ZNF350: variants seen among roughly 807,000 people sequenced by gnomAD.
The protein encoded by ZNF350 is KRAB zinc finger protein ZFQR.
A neutral mutation model predicts 13.1 loss-of-function variants in ZNF350; 5 were observed. The ratio of observed to expected loss-of-function variants is 0.38; its 90% CI spans 0.20 to 0.80. ZNF350 has a LOEUF of 0.80. Ranked by LOEUF, ZNF350 falls within the 30% of genes least tolerant of loss-of-function variation. The pLI, the probability that ZNF350 is intolerant of heterozygous loss-of-function variation, is 0.43. For synonymous variants in ZNF350, 199 were observed against 224.2 expected (o/e 0.89, Z 1.00); for missense variants, 534 against 644.2 (o/e 0.83, Z 1.85).
intron 1 of ZNF350, chr19:51,984,003 C>T (rs1240637301): frequency 6.6e-6 from 1 of 152,050 alleles, no homozygotes; most frequent in Non-Finnish European, 1.5e-5. Flanking sequence ...ATGGTGAAAC[C>T]CCATCTCTAC....
chr19:51,979,372 G>A (rs59534321), intron 1 of ZNF350, among the ~76,000 whole-genome samples: 5,934 of 152,082 alleles, frequency 0.039, 310 homozygotes, highest in African/African-American at 0.12. Flanking sequence ...GATTTATCAC[G>A]ATCAGGGAGA....
chr19:51,970,272 A>G (rs547322566), intron 2 of ZNF350, among the ~76,000 whole-genome samples: 4 of 152,022 alleles, frequency 2.6e-5, no homozygotes, highest in Non-Finnish European at 5.9e-5. Flanking sequence ...TATGTTGGCC[A>G]GGCTGTTCTC....
intron 1 of ZNF350, among the ~76,000 whole-genome samples, chr19:51,984,790 T>G (rs2086130037): frequency 6.6e-6 from 1 of 152,178 alleles, no homozygotes; most frequent in Admixed American, 6.6e-5. Context: ...AGAGACCATA[T>G]GTAGCCTGCA....
At chr19:51,985,498 G>A (rs73934709) in intron 1 of ZNF350, among the ~76,000 whole-genome samples, 8,057 of 152,174 alleles carry the variant, frequency 0.053, 638 homozygotes, top group African/African-American at 0.17. Flanking sequence ...CACATACATA[G>A]TTGGCTAGAA....
intron 2 of ZNF350, among the ~76,000 whole-genome samples, chr19:51,971,181 C>A (rs2085726388): frequency 6.6e-6 from 1 of 152,188 alleles, no homozygotes; most frequent in Admixed American, 6.5e-5. Flanking sequence ...ACTCTATACT[C>A]ATTTTATTAC....
At chr19:51,985,664 C>A (rs541354853) in intron 1 of ZNF350, among the ~76,000 whole-genome samples, 7 of 152,308 alleles carry the variant, frequency 4.6e-5, no homozygotes, top group African/African-American at 1.7e-4. Flanking sequence ...AATGGAGATT[C>A]TGTTAAGAAA....
At position 51,964,942 on chromosome 19, in the gene ZNF350, G is replaced by T. The variant is rs767058754; in HGVS notation, c.1511C>A (p.Ala504Glu). ...CAASGDNRGF[A>E]QDRNLVNAVN... ...TGCATTCACAAGGTTTCTGTCCTGT[G>T]CAAATCCTCTGTTATCTCCTGAGGC... The change falls in exon 5 of 5, where the codon GCA (alanine) becomes GAA (glutamate). Residue 504 changes from alanine (A) to glutamate (E), a missense_variant. Coordinates refer to ENST00000243644, the MANE Select transcript of ZNF350 (RefSeq NM_021632.4). 2 of 1,614,172 alleles carry T rather than the reference G, an allele frequency of 1.2e-6. No individual in the cohort carries two copies. The highest frequency in any genetic ancestry group is 1.3e-5 in the African/African-American group (1 of 75,044).
At chr19:51,973,551 A>C (rs561737436) in intron 2 of ZNF350, 4 of 152,232 alleles carry the variant, frequency 2.6e-5, no homozygotes, top group Non-Finnish European at 5.9e-5. Flanking sequence ...ATTATTTACT[A>C]TACAATAAGG....
intron 1 of ZNF350, among the ~76,000 whole-genome samples, chr19:51,983,120 G>A (rs1393645995): frequency 6.6e-6 from 1 of 152,226 alleles, no homozygotes; most frequent in Non-Finnish European, 1.5e-5. Flanking sequence ...CGTGTGCTGT[G>A]TTGGCTCAAG....
At chr19:51,974,803 T>TG (rs2085839728) in intron 1 of ZNF350, 1 of 156,310 alleles carries the variant, frequency 6.4e-6, no homozygotes, top group Non-Finnish European at 1.4e-5. Context: ...CCTCAGGAGA[T>TG]GGTGAACTCT....
rs1599922229 is a variant in ZNF350 at position 51,964,989 on chromosome 19, T to G, written c.1464A>C (p.Gly488=). Residue 488 remains glycine (G), a synonymous_variant, in exon 5 of 5, where the codon GGA becomes GGC. Transcript: ENST00000243644. The part of the protein sequence containing the change: ...LLANRNVVLV[G]QPVVRCAASG... ...AGGCTGCACATCTGACCACTGGCTG[T>G]CCCACAAGGACTACGTTCCTGTTTG... 6.2e-7 allele frequency: 1 copy of G among 1,614,194 alleles called. No individual in the cohort carries two copies. Among genetic ancestry groups the G allele is most frequent in the Non-Finnish European group, 8.5e-7 (1 of 1,180,018 alleles).
chr19:51,976,059 AG>A lies in ZNF350; in HGVS notation c.-171-1529del. On this transcript the variant is annotated intron_variant, in intron 1 of 4. Coordinates refer to ENST00000243644, the MANE Select transcript of ZNF350 (RefSeq NM_021632.4). This position sits in a 1 kb window ranked among gnomAD's most constrained non-coding sequence, Gnocchi z 4.5. ...GGCGCCGTTATCTACTGCGACATCT[AG>A]AGAATGCAGTCTTGCAAGACTACTC... Among the ~76,000 whole-genome samples the A allele has an allele frequency of 6.6e-6, 1 of 150,682 alleles. No individual in the cohort carries two copies. Among genetic ancestry groups the A allele is most frequent in the East Asian group, 1.9e-4 (1 of 5,160 alleles).
intron 1 of ZNF350, among the ~76,000 whole-genome samples, chr19:51,985,064 C>T (rs2086135203): frequency 6.6e-6 from 1 of 152,234 alleles, no homozygotes; most frequent in African/African-American, 2.4e-5. Flanking sequence ...CAGAACACCA[C>T]TGGTGTGCTG....
chr19:51,965,771 G>C lies in ZNF350; in HGVS notation c.682C>G (p.His228Asp), dbSNP rs556284211. ...CATCTGTGGGGTTTCTCTCCTGTAT[G>C]CATTACCTGGTGATCAGTTAGCCAA... ...KSWLTDHQVM[H>D]TGEKPHRCSL... The change falls in exon 5 of 5, where the codon CAT (histidine) becomes GAT (aspartate). Residue 228 changes from histidine to aspartate, a missense_variant. Transcript: ENST00000243644. 6.2e-7 allele frequency: 1 copy of C among 1,613,926 alleles called. No homozygotes were observed. The highest frequency in any genetic ancestry group is 8.5e-7 in the Non-Finnish European group (1 of 1,179,882).
In ZNF350 at chr19:51,965,681, C is replaced by T. The variant is rs1380528005; in HGVS notation, c.772G>A (p.Gly258Arg). The T allele has an allele frequency of 1.9e-6, 3 of 1,614,004 alleles. No individual in the cohort carries two copies. The highest frequency in any genetic ancestry group is 1.7e-5 in the Admixed American group (1 of 59,998). The change falls in exon 5 of 5, where the codon GGA becomes AGA. Residue 258 changes from glycine (G) to arginine (R), a missense_variant. By Grantham distance (125) the Gly-to-Arg change is moderately radical (BLOSUM62 -2). Transcript: ENST00000243644. ...MLTEHQRTHT[G>R]EKPYECPECG... is the part of the protein sequence containing the mutation. ...TCAGGGCATTCATAAGGTTTTTCTC[C>T]TGTATGAGTTCGCTGATGTTCAGTA...
Position 51,970,988 on chromosome 19 carries a change from C to G in ZNF350, c.16-1857G>C, listed in dbSNP as rs577112117. ...TCAGCTCTTGGACAACACAGCCCAA[C>G]CTTGAAGACCATTTAGGACTGAAAG... On this transcript the variant is annotated intron_variant, in intron 2 of 4. Transcript: ENST00000243644. Among the ~76,000 whole-genome samples, 6 of 152,312 alleles carry G rather than the reference C, an allele frequency of 3.9e-5. No homozygotes were observed. The South Asian group carries it at 1.0e-3, about 26-fold the overall frequency.
intron 2 of ZNF350, chr19:51,973,445 A>C (rs551211729): frequency 2.6e-5 from 4 of 152,190 alleles, no homozygotes; most frequent in Non-Finnish European, 5.9e-5. Flanking sequence ...CAAAGGACCC[A>C]AGCAAACAAA....
chr19:51,968,510 G>T, intron 4 of ZNF350, 68 bp downstream of exon 4: 1 of 1,381,530 alleles, frequency 7.2e-7, no homozygotes. Flanking sequence ...CCCCTTCACA[G>T]CTGTGCTGCC....
chr19:51,966,337 G>A (rs2085570943), intron 4 of ZNF350, 123 bp from the exon 5 acceptor site: 3 of 986,384 alleles, frequency 3.0e-6, no homozygotes, highest in South Asian at 1.9e-5. Flanking sequence ...AGGCTGGAGT[G>A]CAATGCTGCG....
Sources: allele counts gnomAD v4.1 joint callset (sites outside exome capture counted in the v4.1 genomes callset), GRCh38; gene constraint gnomAD v4.1.1; non-coding constraint Gnocchi (gnomAD v3.1); transcripts MANE v1.5; gene names NCBI Gene and HGNC (gene_info 2026-07-23, HGNC 2026-07-21).